Variants in YTHDF3 observed in about 807,000 individuals in gnomAD.
YTHDF3 encodes the protein YTH N6-methyladenosine RNA binding protein F3.
Under a neutral mutation model 52.5 loss-of-function variants are expected in YTHDF3, and 9 were observed. The ratio of observed to expected loss-of-function variants is 0.17; its 90% CI spans 0.10 to 0.30. YTHDF3 has a LOEUF of 0.30. Among genes scored for constraint, YTHDF3 ranks in the 10% least tolerant of loss-of-function variants. YTHDF3 has a pLI of 1.00. For synonymous variants in YTHDF3, 274 were observed against 243.3 expected, an observed-to-expected ratio of 1.13 and a Z score of -1.18; for missense variants, 534 against 715.0, an observed-to-expected ratio of 0.75 and a Z score of 2.89.
chr8:63,196,882 A>G (rs560727387), intron 4 of YTHDF3, among the ~76,000 whole-genome samples: 41 of 152,294 alleles, frequency 2.7e-4, no homozygotes, highest in African/African-American at 9.9e-4. Flanking sequence ...AGCAGAATGA[A>G]AAAGAATTCA....
intron 4 of YTHDF3, among the ~76,000 whole-genome samples, chr8:63,199,551 A>G (rs944057753): frequency 6.6e-6 from 1 of 152,240 alleles, no homozygotes; most frequent in Admixed American, 6.5e-5. Flanking sequence ...TTAGGTGGAT[A>G]TGAAATATCT....
chr8:63,171,620 C>T (rs965839631), intron 2 of YTHDF3, among the ~76,000 whole-genome samples: 3 of 152,164 alleles, frequency 2.0e-5, no homozygotes, highest in African/African-American at 7.2e-5. Context: ...ATATAAGTAG[C>T]TATGTGTGTA....
intron 4 of YTHDF3, among the ~76,000 whole-genome samples, chr8:63,205,680 T>C (rs1217617016): frequency 6.6e-6 from 1 of 152,188 alleles, no homozygotes; most frequent in Non-Finnish European, 1.5e-5. Flanking sequence ...GTGATCCACC[T>C]GCCTTGGCCT....
intron 4 of YTHDF3, among the ~76,000 whole-genome samples, chr8:63,198,442 T>G (rs2150390616): frequency 6.6e-6 from 1 of 152,228 alleles, no homozygotes; most frequent in African/African-American, 2.4e-5. Flanking sequence ...AATTTTTGTA[T>G]TTTTAGTAGA....
At position 63,210,793 on chromosome 8, in the gene YTHDF3, G is replaced by A. The variant is rs1001073266; in HGVS notation, c.*1087G>A. 3.3e-5 allele frequency: 5 copies of A among 152,466 alleles called. No homozygotes were observed. The highest frequency in any genetic ancestry group is 2.1e-4 in the South Asian group (1 of 4,824). The allele number at this position is 152,466 out of a possible 1,614,324, so 9.4% of individuals were successfully genotyped here. ...TCAGATCTATATAAGTGGGAATACA[G>A]CATATATCTGGATATTCTTATAGTT... On this transcript the variant is annotated 3_prime_UTR_variant, in exon 5 of 5. Transcript: ENST00000539294.
At position 63,178,417 on chromosome 8, in the gene YTHDF3, C is replaced by G. The variant is rs77327313; in HGVS notation, c.135+3001C>G. On this transcript the variant is annotated intron_variant, in intron 3 of 4. Coordinates refer to ENST00000539294, the MANE Select transcript of YTHDF3 (RefSeq NM_152758.6). ...TTAAAAAGTGTTTGGGAAACCATTA[C>G]TTTTTAAAAGATGTAAAGGCATTTA... Among the ~76,000 whole-genome samples, 378 of 152,202 alleles carry G rather than the reference C, an allele frequency of 2.5e-3. 1 individual carries two copies. Among genetic ancestry groups the G allele is most frequent in the Admixed American group, 4.3e-3 (65 of 15,292 alleles).
rs1808543011 is a variant in YTHDF3 at position 63,186,850 on chromosome 8, A to G, written c.839A>G (p.Asp280Gly). 1 of 1,613,838 alleles carries G rather than the reference A, an allele frequency of 6.2e-7. No homozygotes were observed. Among genetic ancestry groups the G allele is most frequent in the Non-Finnish European group, 8.5e-7 (1 of 1,179,892 alleles). The change falls in exon 4 of 5, where the codon GAT becomes GGT. Residue 280 changes from aspartate (D) to glycine (G), a missense_variant. Physicochemically the swap from Asp to Gly is moderately conservative, Grantham distance 94. Around this residue, in one of 3 missense-constraint regions of YTHDF3, gnomAD observed 203 missense variants for 201.3 expected, o/e 1.01. Transcript: ENST00000539294. ...IKHNMNIGTW[D>G]EKGSVVKAPP... ...CACAACATGAATATTGGAACTTGGG[A>G]TGAAAAAGGGTCAGTGGTAAAGGCT...
rs1472841548 is a variant in YTHDF3, at chr8:63,169,389, A to G, written c.27A>G (p.Arg9=). 6.2e-6 allele frequency: 10 copies of G among 1,600,896 alleles called. No individual in the cohort carries two copies. In the Admixed American group the frequency reaches 1.4e-4, roughly 22 times the overall value. ...GCATCTTTCGTCTTGCAACACAGAG[A>G]CCTAAAGGGCAAGGAAATAAAGGTG... The part of the protein sequence containing the change: MSATSVDQ[R]PKGQGNKVSV... The change falls in exon 2 of 5, where the codon AGA becomes AGG. Residue 9 remains arginine (R), a splice_region_variant and synonymous_variant. Coordinates refer to ENST00000539294, the MANE Select transcript of YTHDF3 (RefSeq NM_152758.6).
chr8:63,172,422 T>C (rs1807391143), intron 2 of YTHDF3, among the ~76,000 whole-genome samples: 2 of 152,228 alleles, frequency 1.3e-5, no homozygotes, highest in South Asian at 4.1e-4. Flanking sequence ...TGCATTGTTT[T>C]ATACAACTGT....
At chr8:63,201,675 T>C (rs1214091634) in intron 4 of YTHDF3, among the ~76,000 whole-genome samples, 1 of 152,216 alleles carries the variant, frequency 6.6e-6, no homozygotes, top group Admixed American at 6.5e-5. Flanking sequence ...ATTGGCTGCA[T>C]TTGACGCGCT....
At chr8:63,193,786 A>G (rs1421672919) in intron 4 of YTHDF3, among the ~76,000 whole-genome samples, 1 of 152,198 alleles carries the variant, frequency 6.6e-6, no homozygotes, top group Non-Finnish European at 1.5e-5. Context: ...AATATTTTAT[A>G]TCCATTCATT....
Position 63,209,844 on chromosome 8 carries a change from TTCTCGTAATGGTTTTCA to T in YTHDF3, c.*141_*157del, listed in dbSNP as rs1247704492. ...GAACACTTTAACACAAAGTTGACTC[TTCTCGTAATGGTTTTCA>T]TCAGCGCATCTGCCCTTATACTCTT... On this transcript the variant is annotated 3_prime_UTR_variant, in exon 5 of 5. Transcript: ENST00000539294. The T allele has an allele frequency of 2.4e-5, 20 of 831,088 alleles. No individual in the cohort carries two copies. Among genetic ancestry groups the T allele is most frequent in the Non-Finnish European group, 3.5e-5 (19 of 549,052 alleles). The allele number at this position is 831,088 out of a possible 1,614,324, so 51.5% of individuals were successfully genotyped here. A position where few individuals can be genotyped will look rare whatever the true frequency, so the allele number is the denominator to read the frequency against.
chr8:63,205,485 G>A (rs2150400978), intron 4 of YTHDF3, among the ~76,000 whole-genome samples: 1 of 149,540 alleles, frequency 6.7e-6, no homozygotes, highest in African/African-American at 2.5e-5. Flanking sequence ...CCTGGCTGGA[G>A]TGCAGTGGTG....
intron 4 of YTHDF3, among the ~76,000 whole-genome samples, chr8:63,196,118 A>G (rs1366219349): frequency 6.6e-6 from 1 of 152,016 alleles, no homozygotes; most frequent in East Asian, 1.9e-4. Context: ...AAAATTAGCC[A>G]AGTGTGGTGG....
intron 4 of YTHDF3, among the ~76,000 whole-genome samples, chr8:63,205,436 CTT>C (rs908105956): frequency 3.0e-4 from 42 of 139,574 alleles, no homozygotes; most frequent in Admixed American, 3.6e-4. Flanking sequence ...CTTTTTCTTT[CTT>C]TTTTTTTTTT....
At position 63,191,923 on chromosome 8, in the gene YTHDF3, T is replaced by C. The variant is rs190468460; in HGVS notation, c.1734+4178T>C. ...TTCATCCTTTGAAGGATATTTGGGA[T>C]GTTTTCCTTTTGGGGGTAATGTAAA... On this transcript the variant is annotated intron_variant, in intron 4 of 4. Transcript: ENST00000539294. Among the ~76,000 whole-genome samples the C allele has an allele frequency of 1.7e-4, 25 of 150,458 alleles. 1 individual carries two copies. The highest frequency in any genetic ancestry group is 1.4e-3 in the Admixed American group (21 of 14,952).
chr8:63,168,980 C>T, intron 1 of YTHDF3, 79 bp downstream of exon 1: 2 of 1,516,532 alleles, frequency 1.3e-6, no homozygotes, highest in Non-Finnish European at 8.8e-7. Flanking sequence ...CGGCTCCTCC[C>T]CGTCGCCGCC....
intron 3 of YTHDF3, among the ~76,000 whole-genome samples, chr8:63,179,877 C>T (rs62510127): frequency 0.079 from 10,844 of 136,542 alleles, 623 homozygotes; most frequent in Non-Finnish European, 0.12. Flanking sequence ...CCGGATGGGG[C>T]GGCCGGCCAG....
chr8:63,192,524 A>G (rs1808977998), intron 4 of YTHDF3, among the ~76,000 whole-genome samples: 1 of 152,068 alleles, frequency 6.6e-6, no homozygotes, highest in East Asian at 1.9e-4. Context: ...TGTGTTAGAA[A>G]CCAGTTTTCC....
Sources: gnomAD v4.1 joint callset for allele counts (sites outside exome capture counted in the v4.1 genomes callset) on GRCh38, gnomAD v4.1.1 for gene constraint, gnomAD v4.1.1 regional missense constraint, MANE v1.5 for transcripts, NCBI Gene and HGNC (gene_info 2026-07-23, HGNC 2026-07-21) for gene names.